ZFPM2: variants seen among roughly 807,000 people sequenced by gnomAD.
ZFPM2 encodes the protein zinc finger protein, FOG family member 2.
ZFPM2 carries 20 observed loss-of-function variants against 98.6 expected under a neutral mutation model. That is an observed-to-expected ratio of 0.20 (90% CI 0.14 to 0.29). ZFPM2 has a LOEUF of 0.29. Among genes scored for constraint, ZFPM2 ranks in the 10% least tolerant of loss-of-function variants. The pLI, the probability that ZFPM2 is intolerant of heterozygous loss-of-function variation, is 1.00. For synonymous variants in ZFPM2, 518 were observed against 502.7 expected (o/e 1.03, Z -0.41); for missense variants, 1,310 against 1,388.6 (o/e 0.94, Z 0.90).
chr8:105,652,329 A>C (rs1395718619), intron 5 of ZFPM2, among the ~76,000 whole-genome samples: 1 of 95,660 alleles, frequency 1.0e-5, no homozygotes, highest in East Asian at 3.2e-4. Context: ...GTCACCTTAT[A>C]TGCCTGACAT....
chr8:105,482,518 AC>A (rs1813140684), intron 3 of ZFPM2, among the ~76,000 whole-genome samples: 1 of 151,992 alleles, frequency 6.6e-6, no homozygotes, highest in South Asian at 2.1e-4. Flanking sequence ...CTTTTCACAA[AC>A]TTCTTTTATG....
chr8:105,782,200 TAATA>T (rs1396339825), intron 5 of ZFPM2, among the ~76,000 whole-genome samples: 1 of 152,208 alleles, frequency 6.6e-6, no homozygotes, highest in Non-Finnish European at 1.5e-5. Context: ...GGTAACCACT[TAATA>T]AATGTGTGAT....
chr8:105,372,508 T>C (rs1347660476), intron 1 of ZFPM2, among the ~76,000 whole-genome samples: 1 of 152,160 alleles, frequency 6.6e-6, no homozygotes, highest in Non-Finnish European at 1.5e-5. Context: ...TTCTAACAAG[T>C]AAAATAATAA....
chr8:105,618,648 A>G (rs970761843), intron 4 of ZFPM2, among the ~76,000 whole-genome samples: 3 of 152,168 alleles, frequency 2.0e-5, no homozygotes, highest in Admixed American at 6.6e-5. Context: ...AGCACATTGC[A>G]TATATTAACT....
intron 5 of ZFPM2, among the ~76,000 whole-genome samples, chr8:105,648,969 A>G (rs1817112204): frequency 6.6e-6 from 1 of 152,208 alleles, no homozygotes; most frequent in African/African-American, 2.4e-5. Context: ...TACCTTGGGT[A>G]GTATGGCTAT....
chr8:105,752,827 A>C (rs1191889341), intron 5 of ZFPM2, among the ~76,000 whole-genome samples: 2 of 152,042 alleles, frequency 1.3e-5, no homozygotes, highest in South Asian at 2.1e-4. Context: ...CCCTAAGTAC[A>C]TAGGGAAATC....
At chr8:105,497,024 C>T (rs1455634419) in intron 3 of ZFPM2, among the ~76,000 whole-genome samples, 1 of 145,730 alleles carries the variant, frequency 6.9e-6, no homozygotes, top group East Asian at 2.1e-4. Flanking sequence ...CTCGCTCTGT[C>T]GCCCAGGCTG....
chr8:105,371,228 C>A (rs759663396), intron 1 of ZFPM2, among the ~76,000 whole-genome samples: 2 of 152,064 alleles, frequency 1.3e-5, no homozygotes, highest in Non-Finnish European at 2.9e-5. Context: ...GCTGGTCAAA[C>A]AAAATTGTAT....
At chr8:105,534,030 C>T (rs1243844986) in intron 3 of ZFPM2, among the ~76,000 whole-genome samples, 17 of 21,808 alleles carry the variant, frequency 7.8e-4, no homozygotes, top group African/African-American at 4.0e-3. Context: ...TTCCCTTCCT[C>T]CCTCCCTCCC....
chr8:105,794,319 C>T (rs557367212), intron 6 of ZFPM2, among the ~76,000 whole-genome samples: 2 of 152,290 alleles, frequency 1.3e-5, no homozygotes, highest in East Asian at 3.9e-4. Context: ...AGCTGCAGGT[C>T]TGTTGGAGTT....
rs548530677 is a variant in ZFPM2 at position 105,372,061 on chromosome 8, G to C, written c.41-47083G>C. 7.4e-5 allele frequency among the ~76,000 whole-genome samples: 11 copies of C among 148,722 alleles called. No individual in the cohort carries two copies. The South Asian group carries it at 2.3e-3, about 32-fold the overall frequency. On this transcript the variant is annotated intron_variant, in intron 1 of 7. Transcript: ENST00000407775. ...TTATTATTATTATTTTATTTTTTTT[G>C]AGACGGAGTCTTGCTCTGTCACCCA...
chr8:105,471,669 C>T (rs964995124), intron 3 of ZFPM2, among the ~76,000 whole-genome samples: 7 of 152,074 alleles, frequency 4.6e-5, no homozygotes, highest in African/African-American at 1.7e-4. Context: ...GGTACGCAAG[C>T]GGAACCTTTT....
intron 1 of ZFPM2, among the ~76,000 whole-genome samples, chr8:105,372,930 T>C (rs1161250177): frequency 2.6e-5 from 4 of 152,108 alleles, no homozygotes; most frequent in Non-Finnish European, 5.9e-5. Flanking sequence ...TCAGAAAATA[T>C]AAAGGGAAGT....
chr8:105,430,431 T>G (rs2130137273), intron 2 of ZFPM2, among the ~76,000 whole-genome samples: 1 of 152,306 alleles, frequency 6.6e-6, no homozygotes, highest in South Asian at 2.1e-4. Context: ...GTGTTTATAT[T>G]AGATACCTGA....
intron 1 of ZFPM2, among the ~76,000 whole-genome samples, chr8:105,408,419 G>A (rs927023804): frequency 6.6e-6 from 1 of 151,856 alleles, no homozygotes; most frequent in Non-Finnish European, 1.5e-5. Flanking sequence ...GTGTTGATAT[G>A]TGTCCTAGGG....
chr8:105,633,240 T>A (rs1245223076), intron 4 of ZFPM2, among the ~76,000 whole-genome samples: 2 of 152,170 alleles, frequency 1.3e-5, no homozygotes, highest in Admixed American at 6.5e-5. Context: ...TGGGCTGAGA[T>A]CTCTTTGGCA....
intron 5 of ZFPM2, among the ~76,000 whole-genome samples, chr8:105,725,705 A>G (rs1811794775): frequency 6.6e-6 from 1 of 151,742 alleles, no homozygotes; most frequent in Non-Finnish European, 1.5e-5. Flanking sequence ...ATGACTTACT[A>G]GCATTTTATA....
intron 3 of ZFPM2, among the ~76,000 whole-genome samples, chr8:105,494,753 C>T (rs182505739): frequency 2.9e-4 from 44 of 152,224 alleles, no homozygotes; most frequent in African/African-American, 9.9e-4. Context: ...AACAAGAATT[C>T]TGATGTACAG....
At chr8:105,615,598 A>T (rs114296401) in intron 4 of ZFPM2, among the ~76,000 whole-genome samples, 1 of 152,256 alleles carries the variant, frequency 6.6e-6, no homozygotes, top group African/African-American at 2.4e-5. Flanking sequence ...GTTAAAGCCC[A>T]TGAATTTATT....
Sources: gnomAD v4.1 joint callset for allele counts (sites outside exome capture counted in the v4.1 genomes callset) on GRCh38, gnomAD v4.1.1 for gene constraint, MANE v1.5 for transcripts, NCBI Gene and HGNC (gene_info 2026-07-23, HGNC 2026-07-21) for gene names.